Variants in TET3 observed in about 807,000 individuals in gnomAD.
TET3 encodes the protein tet methylcytosine dioxygenase 3.
A neutral mutation model predicts 141.4 loss-of-function variants in TET3; 19 were observed. That is an observed-to-expected ratio of 0.13 (90% confidence interval 0.09 to 0.20). The LOEUF is 0.20. TET3 is among the 10% of genes least tolerant of loss of function. The pLI, the probability that TET3 is intolerant of heterozygous loss-of-function variation, is 1.00. For synonymous variants in TET3, 1,043 were observed against 980.9 expected (o/e 1.06, Z -1.18); for missense variants, 1,874 against 2,356.9 (o/e 0.80, Z 4.24).
the TET3 span, among the ~76,000 whole-genome samples, chr2:74,116,012 CAAA>C: frequency 4.7e-5 from 4 of 84,500 alleles, no homozygotes; most frequent in Admixed American, 1.2e-4. Context: ...GATCTGGTCT[CAAA>C]AAAAAAAAAA....
At chr2:74,003,202 G>A in intron 3 of TET3, 36 bp downstream of exon 3, 1 of 1,549,856 alleles carries the variant, frequency 6.5e-7, no homozygotes, top group Non-Finnish European at 8.7e-7. Context: ...GTGTGCGTGT[G>A]TGTGGTGGCG....
chr2:74,059,504 C>T (rs989660687), intron 4 of TET3, among the ~76,000 whole-genome samples: 2 of 152,250 alleles, frequency 1.3e-5, no homozygotes, highest in African/African-American at 2.4e-5. Flanking sequence ...ATCTGCCTGC[C>T]TTGGCCTCCC....
At chr2:74,013,513 T>C (rs76663654) in intron 3 of TET3, among the ~76,000 whole-genome samples, 8,199 of 152,042 alleles carry the variant, frequency 0.054, 750 homozygotes, top group African/African-American at 0.19. Context: ...AATAATTCGA[T>C]TCTTTTTATT....
At chr2:74,052,119 A>G (rs150216216) in intron 4 of TET3, among the ~76,000 whole-genome samples, 78 of 152,250 alleles carry the variant, frequency 5.1e-4, no homozygotes, top group African/African-American at 1.8e-3. Flanking sequence ...AGCTGGGATT[A>G]CAGGCACCCA....
intron 4 of TET3, among the ~76,000 whole-genome samples, chr2:74,065,600 T>TTCCGTCCGTCCG (rs112413159): frequency 7.6e-6 from 1 of 130,880 alleles, no homozygotes; most frequent in Non-Finnish European, 1.7e-5. Context: ...CCGTCCTTCC[T>TTCCGTCCGTCCG]TCCGTCCGTC....
rs376681686 is a variant in TET3, at chr2:74,047,251, C to T, written c.1334C>T (p.Thr445Met). 67 of 1,614,024 alleles carry T rather than the reference C, an allele frequency of 4.2e-5. No individual in the cohort carries two copies. Among genetic ancestry groups the T allele is most frequent in the African/African-American group, 4.0e-4 (30 of 75,068 alleles). The change falls in exon 4 of 12, where the codon ACG becomes ATG. Residue 445 changes from threonine to methionine, a missense_variant. By Grantham distance (81) the Thr-to-Met change is moderately conservative. Coordinates refer to ENST00000409262, the MANE Select transcript of TET3 (RefSeq NM_001287491.2). ...EAWGTDTPPA[T>M]PRSSWPMPRP... ...TGGGGCACTGACACCCCTCCAGCAA[C>T]GCCCCGGAGCTCCTGGCCCATGCCT...
intron 6 of TET3, among the ~76,000 whole-genome samples, chr2:74,082,471 A>G (rs1176208748): frequency 6.6e-6 from 1 of 152,188 alleles, no homozygotes; most frequent in Non-Finnish European, 1.5e-5. Context: ...CGTGGGTGTC[A>G]CTGAGCCCTG....
chr2:74,080,492 C>A lies in TET3; in HGVS notation c.2586-6C>A, dbSNP rs751100538. ...TGCTAATGGTGGCTTCTGTCTCCCT[C>A]TTCAGGTATGGAGAGAAGGGGAAAG... On this transcript the variant is annotated splice_region_variant and splice_polypyrimidine_tract_variant and intron_variant, in intron 5 of 11. Coordinates refer to ENST00000409262, the MANE Select transcript of TET3 (RefSeq NM_001287491.2). The A allele has an allele frequency of 2.5e-6, 4 of 1,611,998 alleles. No individual in the cohort carries two copies. In the Admixed American group the frequency reaches 6.7e-5, roughly 27 times the overall value.
At chr2:74,080,469 C>A in intron 5 of TET3, 29 bp from the exon 6 acceptor site, 1 of 1,596,592 alleles carries the variant, frequency 6.3e-7, no homozygotes, top group Non-Finnish European at 8.6e-7. Context: ...TTCTGCTGTG[C>A]TAATGGTGGC....
intron 10 of TET3, among the ~76,000 whole-genome samples, chr2:74,094,631 C>T (rs1304153237): frequency 6.6e-6 from 1 of 151,998 alleles, no homozygotes; most frequent in Non-Finnish European, 1.5e-5. Flanking sequence ...GGCAGCCATC[C>T]AGGCCAGAGG....
At chr2:74,039,980 C>A (rs184524948) in intron 3 of TET3, among the ~76,000 whole-genome samples, 1 of 152,098 alleles carries the variant, frequency 6.6e-6, no homozygotes, top group African/African-American at 2.4e-5. Context: ...GGAACATAGA[C>A]CCCCACCTCT....
intron 5 of TET3, among the ~76,000 whole-genome samples, chr2:74,076,170 T>TA (rs547258549): frequency 6.6e-6 from 1 of 152,116 alleles, no homozygotes; most frequent in Admixed American, 6.5e-5. Flanking sequence ...TTTTTTTTTT[T>TA]ACCCCCTGAT....
At chr2:74,082,673 TGTG>T (rs1447493970) in intron 6 of TET3, among the ~76,000 whole-genome samples, 8 of 152,122 alleles carry the variant, frequency 5.3e-5, no homozygotes, top group Non-Finnish European at 5.9e-5. Context: ...TCTCCTTTAG[TGTG>T]GTGGATTTCT....
chr2:74,078,227 T>C (rs1689620045), intron 5 of TET3, among the ~76,000 whole-genome samples: 1 of 152,156 alleles, frequency 6.6e-6, no homozygotes, highest in Non-Finnish European at 1.5e-5. Flanking sequence ...TAAACTGTTC[T>C]CTTTTTCAAT....
the TET3 span, chr2:74,130,595 G>A: frequency 6.6e-6 from 1 of 152,220 alleles, no homozygotes; most frequent in Non-Finnish European, 1.5e-5. Context: ...TCGTGGCGAG[G>A]AAGCGCGGAC....
At chr2:74,113,112 C>A (rs1572922407), downstream of TET3, among the ~76,000 whole-genome samples, 1 of 147,712 alleles carries the variant, frequency 6.8e-6, no homozygotes, top group South Asian at 2.2e-4. Context: ...CAAGAATGGC[C>A]AGGCGCAGTG....
chr2:73,986,786 G>T, intron 2 of TET3, 80 bp downstream of exon 2: 1 of 1,150,900 alleles, frequency 8.7e-7, no homozygotes, highest in Non-Finnish European at 1.1e-6. Context: ...AGCAAGGCTC[G>T]TCCAGTTGAG....
intron 4 of TET3, among the ~76,000 whole-genome samples, chr2:74,059,407 C>T (rs1248031017): frequency 6.6e-6 from 1 of 151,832 alleles, no homozygotes; most frequent in Non-Finnish European, 1.5e-5. Context: ...CATGCGCCAC[C>T]ACACCTGGCT....
rs1211221992 is a variant in TET3, at chr2:74,104,553, A to C, written c.*2377A>C. 2 of 152,230 alleles carry C rather than the reference A, an allele frequency of 1.3e-5. No homozygotes were observed. The highest frequency in any genetic ancestry group is 2.9e-5 in the Non-Finnish European group (2 of 68,046). 9.4% of individuals were successfully genotyped at this position (152,230 alleles called of 1,614,324 possible). ...TTCATTTTAAATGATCTTAAGCAAG[A>C]AATACAATATTTTACGAAACATTTG... On this transcript the variant is annotated 3_prime_UTR_variant, in exon 12 of 12. Transcript: ENST00000409262.
Sources: gnomAD v4.1 joint callset for allele counts (sites outside exome capture counted in the v4.1 genomes callset) on GRCh38, gnomAD v4.1.1 for gene constraint, MANE v1.5 for transcripts, NCBI Gene and HGNC (gene_info 2026-07-23, HGNC 2026-07-21) for gene names.